Variants in NBN observed in about 807,000 individuals in gnomAD.
The protein encoded by NBN is Nijmegen breakage syndrome 1 (nibrin).
A neutral mutation model predicts 90.8 loss-of-function variants in NBN; 88 were observed. That is an observed-to-expected ratio of 0.97 (90% CI 0.82 to 1.16). The LOEUF is 1.16. NBN is among the 50% of genes most tolerant of loss of function. NBN has a pLI of 0.00. For missense variants in NBN, 894 were observed against 869.6 expected, an observed-to-expected ratio of 1.03 and a Z score of -0.35; for synonymous variants, 328 against 295.1, an observed-to-expected ratio of 1.11 and a Z score of -1.14.
intron 14 of NBN, among the ~76,000 whole-genome samples, chr8:89,942,158 C>G (rs1370607616): frequency 1.3e-5 from 2 of 152,136 alleles, no homozygotes; most frequent in African/African-American, 4.8e-5. Flanking sequence ...CCTTACAACA[C>G]AGAAGGAGCT....
At chr8:89,973,600 A>G (rs1005934169) in intron 5 of NBN, among the ~76,000 whole-genome samples, 1 of 152,236 alleles carries the variant, frequency 6.6e-6, no homozygotes, top group Non-Finnish European at 1.5e-5. Context: ...AAATACCTAC[A>G]TAAGCCTTTT....
intron 1 of NBN, chr8:89,984,099 T>C (rs867397723): frequency 7.1e-5 from 15 of 211,826 alleles, no homozygotes; most frequent in Admixed American, 1.7e-4. Context: ...GTGGTAGTCA[T>C]TTCCCCAAAC....
chr8:89,935,722 G>C (rs191239720), intron 15 of NBN, 110 bp from the exon 16 acceptor site: 1 of 1,346,276 alleles, frequency 7.4e-7, no homozygotes, highest in East Asian at 2.3e-5. Flanking sequence ...GGATGGGAAT[G>C]ACAATTTTGT....
intron 3 of NBN, 131 bp downstream of exon 3, chr8:89,981,244 A>C (rs1812049109): frequency 1.0e-6 from 1 of 986,936 alleles, no homozygotes; most frequent in Non-Finnish European, 1.5e-6. Context: ...CCCATGGCAC[A>C]GAGTCCAATA....
At chr8:89,939,886 G>C (rs1387984878) in intron 14 of NBN, among the ~76,000 whole-genome samples, 3 of 152,120 alleles carry the variant, frequency 2.0e-5, no homozygotes, top group African/African-American at 7.2e-5. Flanking sequence ...ACACTCCCTG[G>C]TATAGGACAT....
At chr8:89,981,125 T>C (rs1409631458) in intron 3 of NBN, among the ~76,000 whole-genome samples, 1 of 152,114 alleles carries the variant, frequency 6.6e-6, no homozygotes, top group Non-Finnish European at 1.5e-5. Context: ...TGACCAAAAG[T>C]TAACATTATA....
chr8:89,946,231 C>A lies in NBN; in HGVS notation c.1979G>T (p.Arg660Ile), dbSNP rs201781110. 1 of 1,591,830 alleles carries A rather than the reference C, an allele frequency of 6.3e-7. No homozygotes were observed. The highest frequency in any genetic ancestry group is 8.6e-7 in the Non-Finnish European group (1 of 1,160,120). The change falls in exon 13 of 16, where the codon AGA (arginine) becomes ATA (isoleucine). Residue 660 changes from arginine to isoleucine, a missense_variant. By Grantham distance (97) the Arg-to-Ile change is moderately conservative. Coordinates refer to ENST00000265433, the MANE Select transcript of NBN (RefSeq NM_002485.5). The stretch of plus-strand genomic sequence containing the variant: ...AGTAGAGTTTTTAATCACCAGTGAT[C>A]TAAATTCAGTCAATAACAGCTTTTT... Reference protein sequence around the residue: ...LPKKLLLTEFRSLVIKNSTSR... With the variant: ...LPKKLLLTEFISLVIKNSTSR...
rs774489464 is a variant in NBN at position 89,953,705 on chromosome 8, A to T, written c.1398-14T>A. ...TCATCCCTTTCCCTTAGATTTAAAA[A>T]AAAAGAAGAAAACAAAACAAGAAAA... On this transcript the variant is annotated splice_polypyrimidine_tract_variant and intron_variant, in intron 10 of 15. Coordinates refer to ENST00000265433, the MANE Select transcript of NBN (RefSeq NM_002485.5). The T allele has an allele frequency of 3.1e-6, 5 of 1,588,966 alleles. No individual in the cohort carries two copies. Among genetic ancestry groups the T allele is most frequent in the Admixed American group, 3.4e-5 (2 of 58,240 alleles).
intron 14 of NBN, among the ~76,000 whole-genome samples, chr8:89,942,915 C>T (rs1224311402): frequency 6.6e-6 from 1 of 152,118 alleles, no homozygotes; most frequent in African/African-American, 2.4e-5. Context: ...AGGCCAGTCC[C>T]TTGACATACA....
Position 89,983,678 on chromosome 8 carries a change from A to C in NBN, c.38-823T>G, listed in dbSNP as rs187085193. Among the ~76,000 whole-genome samples, 11 of 152,294 alleles carry C rather than the reference A, an allele frequency of 7.2e-5. No homozygotes were observed. In the East Asian group the frequency reaches 1.5e-3, roughly 21 times the overall value. On this transcript the variant is annotated intron_variant, in intron 1 of 15. Transcript: ENST00000265433. ...TCTTTTAAAATTGCTGTAAATCATA[A>C]GTTGTTGGAGTAACAGTATATATAT...
In NBN at chr8:89,970,510, C is replaced by A. The variant is rs758852942; in HGVS notation, c.750G>T (p.Arg250Ser). The change falls in exon 7 of 16, where the codon AGG becomes AGT. Residue 250 changes from arginine to serine, a missense_variant. Arg to Ser is a moderately radical substitution (Grantham distance 110, BLOSUM62 -1). Transcript: ENST00000265433. ...SAVVFGGGEARLITEENEEEH... is the reference protein window; with the variant it reads ...SAVVFGGGEASLITEENEEEH... ...CTTCTTCATTCTCTTCTGTTATCAA[C>A]CTAGCTTCCCCACCTCCAAAGACAA... is the stretch of plus-strand genomic sequence containing the variant. 4 of 1,613,794 alleles carry A rather than the reference C, an allele frequency of 2.5e-6. No homozygotes were observed. Among genetic ancestry groups the A allele is most frequent in the Non-Finnish European group, 3.4e-6 (4 of 1,179,844 alleles).
intron 7 of NBN, 109 bp downstream of exon 7, chr8:89,970,255 A>T: frequency 9.9e-7 from 1 of 1,011,274 alleles, no homozygotes; most frequent in Non-Finnish European, 1.5e-6. Context: ...GTCTCAAAAA[A>T]AAAAAATTCT....
intron 6 of NBN, 73 bp from the exon 7 acceptor site, chr8:89,970,630 A>T: frequency 7.0e-7 from 1 of 1,423,140 alleles, no homozygotes; most frequent in Non-Finnish European, 9.8e-7. Context: ...TTGATTTGGG[A>T]AACATAGAAG....
Position 89,953,776 on chromosome 8 carries a change from C to T in NBN, c.1398-85G>A, listed in dbSNP as rs550788653. On this transcript the variant is annotated intron_variant, in intron 10 of 15. Transcript: ENST00000265433. ...TTTAGTTTGGCAATATTCATCACTC[C>T]CTCCATTTAGTTCACAATGTACTCT... is the stretch of plus-strand genomic sequence containing the variant. The T allele has an allele frequency of 5.7e-5, 58 of 1,012,552 alleles. No individual in the cohort carries two copies. In the African/African-American group the frequency reaches 6.6e-4, roughly 12 times the overall value. The allele number at this position is 1,012,552 out of a possible 1,614,324, so 62.7% of individuals were successfully genotyped here.
At position 89,980,789 on chromosome 8, in the gene NBN, T is replaced by C. The variant is rs769414; in HGVS notation, c.425A>G (p.Asn142Ser). ...AAGGTGAGTGCATTCTTCTGTCCAA[T>C]TGTTTACAGTAAATCCTCCAAGTTG... ...ILQLGGFTVNNWTEECTHLVM... is the reference protein window; with the variant it reads ...ILQLGGFTVNSWTEECTHLVM... Residue 142 changes from asparagine (N) to serine (S), a missense_variant, in exon 4 of 16, where the codon AAT becomes AGT. Asn to Ser is a conservative substitution (Grantham distance 46, BLOSUM62 1). Coordinates refer to ENST00000265433, the MANE Select transcript of NBN (RefSeq NM_002485.5). 341 of 1,613,620 alleles carry C rather than the reference T, an allele frequency of 2.1e-4. No homozygotes were observed. In the Middle Eastern group the frequency reaches 8.1e-3, roughly 38 times the overall value.
intron 8 of NBN, among the ~76,000 whole-genome samples, chr8:89,961,129 T>A (rs538999183): frequency 6.6e-6 from 1 of 152,344 alleles, no homozygotes; most frequent in South Asian, 2.1e-4. Context: ...AGTAGTTATG[T>A]ACCTTAACTT....
chr8:89,963,150 A>G lies in NBN; in HGVS notation c.994+1260T>C, dbSNP rs1342478228. Among the ~76,000 whole-genome samples, 9 of 152,026 alleles carry G rather than the reference A, an allele frequency of 5.9e-5. No homozygotes were observed. The East Asian group carries it at 1.7e-3, about 29-fold the overall frequency. ...TTATTATTACTATGCATGGTTACTA[A>G]CGATCTACATACCTAATAGCTTCCT... On this transcript the variant is annotated intron_variant, in intron 8 of 15. Transcript: ENST00000265433.
At chr8:89,958,954 T>A in intron 8 of NBN, 100 bp from the exon 9 acceptor site, 1 of 1,449,922 alleles carries the variant, frequency 6.9e-7, no homozygotes, top group Non-Finnish European at 9.6e-7. Context: ...CTGAGGGGAT[T>A]AACTAGGGAA....
intron 11 of NBN, 130 bp from the exon 12 acceptor site, chr8:89,948,022 T>G: frequency 1.8e-6 from 1 of 548,580 alleles, no homozygotes; most frequent in Middle Eastern, 5.0e-4. Context: ...ATATTCATGT[T>G]ATGTATGACC....
Sources: gnomAD v4.1 joint callset for allele counts (sites outside exome capture counted in the v4.1 genomes callset) on GRCh38, gnomAD v4.1.1 for gene constraint, MANE v1.5 for transcripts, NCBI Gene and HGNC (gene_info 2026-07-23, HGNC 2026-07-21) for gene names.